Variants in SSUH2 observed in about 807,000 individuals in gnomAD.
The protein encoded by SSUH2 is ssu-2 homolog.
A neutral mutation model predicts 55.3 loss-of-function variants in SSUH2; 47 were observed. The ratio of observed to expected loss-of-function variants is 0.85; its 90% CI spans 0.67 to 1.08. The LOEUF is 1.08. Ranked by LOEUF, SSUH2 falls within the 50% of genes least tolerant of loss-of-function variation. The pLI is 0.00. For missense variants in SSUH2, 535 were observed against 490.7 expected, an observed-to-expected ratio of 1.09 and a Z score of -0.85; for synonymous variants, 212 against 191.5, an observed-to-expected ratio of 1.11 and a Z score of -0.89.
intron 5 of SSUH2, among the ~76,000 whole-genome samples, chr3:8,664,338 C>T (rs1055351199): frequency 2.5e-4 from 38 of 152,246 alleles, no homozygotes; most frequent in African/African-American, 7.0e-4. Context: ...GGAATGCCAT[C>T]GCCATCTTCA....
intron 1 of SSUH2, 93 bp from the exon 2 acceptor site, chr3:8,635,950 A>G: frequency 6.3e-6 from 7 of 1,103,578 alleles, no homozygotes; most frequent in Non-Finnish European, 9.0e-6. Context: ...CGGGTGCATT[A>G]TAAAAAGCCT....
At chr3:8,623,196 C>A (rs538979558) in intron 11 of SSUH2, among the ~76,000 whole-genome samples, 1 of 152,354 alleles carries the variant, frequency 6.6e-6, no homozygotes, top group East Asian at 1.9e-4. Context: ...ACACTGGGCT[C>A]CAGCCAGGCC....
chr3:8,632,991 T>C (rs4686281), intron 4 of SSUH2, among the ~76,000 whole-genome samples: 93,246 of 151,982 alleles, frequency 0.61, 30,457 homozygotes, highest in East Asian at 0.75. Flanking sequence ...GAAAATCACT[T>C]TGCCTCTTTA....
chr3:8,661,609 A>G (rs1227905588), intron 6 of SSUH2, among the ~76,000 whole-genome samples: 2 of 152,216 alleles, frequency 1.3e-5, no homozygotes, highest in African/African-American at 4.8e-5. Context: ...AAAGGACTTT[A>G]TTATCACAGC....
chr3:8,656,525 C>A (rs1018983980), intron 7 of SSUH2, among the ~76,000 whole-genome samples: 5 of 152,182 alleles, frequency 3.3e-5, no homozygotes, highest in Admixed American at 6.5e-5. Context: ...GGAGCAACAG[C>A]CATTCCACAA....
intron 1 of SSUH2, among the ~76,000 whole-genome samples, chr3:8,643,447 T>C (rs560024351): frequency 2.0e-5 from 3 of 152,314 alleles, no homozygotes; most frequent in Admixed American, 1.3e-4. Context: ...TGAAGCTTAT[T>C]AGAACAAGAG....
chr3:8,678,949 G>C (rs1705694615), intron 2 of SSUH2, among the ~76,000 whole-genome samples: 1 of 108,772 alleles, frequency 9.2e-6, no homozygotes, highest in Admixed American at 9.0e-5. Flanking sequence ...TCCCCTCCTG[G>C]CTCTTGGGAC....
chr3:8,620,108 T>C (rs1297378706), intron 11 of SSUH2, 94 bp from the exon 12 acceptor site: 5 of 1,389,722 alleles, frequency 3.6e-6, no homozygotes, highest in Admixed American at 2.1e-5. Context: ...GTGTGTGGTA[T>C]GAAAGGTCCT....
At chr3:8,670,555 C>G (rs1394401322) in intron 5 of SSUH2, among the ~76,000 whole-genome samples, 1 of 151,876 alleles carries the variant, frequency 6.6e-6, no homozygotes, top group East Asian at 1.9e-4. Context: ...GTCATACACC[C>G]CCGGTGACAA....
chr3:8,637,833 CTTGT>C (rs59930358), intron 1 of SSUH2, among the ~76,000 whole-genome samples: 9,022 of 151,486 alleles, frequency 0.06, 655 homozygotes, highest in African/African-American at 0.17. Flanking sequence ...TCTCCTAGAG[CTTGT>C]TTGTTTGTTT....
rs748611809 is a variant in SSUH2 at position 8,630,838 on chromosome 3, C to G, written c.492G>C (p.Arg164Ser). 4.0e-6 allele frequency: 6 copies of G among 1,501,694 alleles called. 1 individual carries two copies. In the South Asian group the frequency reaches 4.1e-5, roughly 10 times the overall value. 93.0% of individuals were successfully genotyped at this position (1,501,694 alleles called of 1,614,324 possible). A position where few individuals can be genotyped will look rare whatever the true frequency, so the allele number is the denominator to read the frequency against. The change falls in exon 6 of 12, where the codon AGG (arginine) becomes AGC (serine). Residue 164 changes from arginine to serine, a missense_variant. Coordinates refer to ENST00000544814, the MANE Select transcript of SSUH2 (RefSeq NM_001256748.3). ...QGPPMFQEDT[R>S]KFQVPHSSLV... ...GTGACGAGTGAGGGACCTGGAACTTCCTGGTGTCTTCCTGAAACATCGGAG... is the reference window on the plus strand; with the variant it reads ...GTGACGAGTGAGGGACCTGGAACTTGCTGGTGTCTTCCTGAAACATCGGAG...
chr3:8,626,884 C>CT (rs1446744130), intron 8 of SSUH2: 1 of 152,394 alleles, frequency 6.6e-6, no homozygotes, highest in Non-Finnish European at 1.5e-5. Flanking sequence ...GAAGCCATCC[C>CT]TGAAATATAC....
intron 11 of SSUH2, among the ~76,000 whole-genome samples, chr3:8,622,438 A>G (rs1696641994): frequency 6.6e-6 from 1 of 152,124 alleles, no homozygotes; most frequent in Non-Finnish European, 1.5e-5. Context: ...CTTGGGCCTC[A>G]GTTTTCCCAG....
At chr3:8,664,475 A>G (rs1231988427) in intron 5 of SSUH2, among the ~76,000 whole-genome samples, 2 of 151,608 alleles carry the variant, frequency 1.3e-5, no homozygotes, top group Non-Finnish European at 3.0e-5. Context: ...ATTTCTGAGC[A>G]ATTTTTTTTT....
intron 1 of SSUH2, chr3:8,639,822 C>T (rs1237833364): frequency 4.2e-6 from 1 of 238,992 alleles, no homozygotes; most frequent in Non-Finnish European, 6.8e-6. Context: ...TCTCCTTTGA[C>T]AGGTGTGAGG....
At chr3:8,633,420 A>C (rs1366006955) in intron 4 of SSUH2, among the ~76,000 whole-genome samples, 1 of 152,120 alleles carries the variant, frequency 6.6e-6, no homozygotes, top group Non-Finnish European at 1.5e-5. Flanking sequence ...TCGGCCTCCC[A>C]AAGTGCTGGG....
chr3:8,679,249 CAATTTT>C (rs1705759945), intron 2 of SSUH2, among the ~76,000 whole-genome samples: 1 of 110,002 alleles, frequency 9.1e-6, no homozygotes, highest in Non-Finnish European at 2.0e-5. Context: ...GAGAGCCAGC[CAATTTT>C]CCCCCTGGCT....
intron 5 of SSUH2, among the ~76,000 whole-genome samples, chr3:8,670,009 C>T (rs957939138): frequency 6.6e-6 from 1 of 152,210 alleles, no homozygotes; most frequent in Non-Finnish European, 1.5e-5. Context: ...GTTTTTGATC[C>T]GCTCCCCTTA....
At chr3:8,673,761 C>G (rs543102439) in intron 3 of SSUH2, among the ~76,000 whole-genome samples, 1 of 152,186 alleles carries the variant, frequency 6.6e-6, no homozygotes, top group African/African-American at 2.4e-5. Context: ...AACCGAACAC[C>G]TGTTGGACCC....
Sources: allele counts gnomAD v4.1 joint callset (sites outside exome capture counted in the v4.1 genomes callset), GRCh38; gene constraint gnomAD v4.1.1; transcripts MANE v1.5; gene names NCBI Gene and HGNC (gene_info 2026-07-23, HGNC 2026-07-21).